The following DPP6 variants were observed in gnomAD, a reference collection of about 807,000 sequenced individuals.
DPP6 encodes dipeptidyl peptidase like 6.
A neutral mutation model predicts 122.6 loss-of-function variants in DPP6; 69 were observed. The observed-to-expected ratio is 0.56, with a 90% CI of 0.46 to 0.69. DPP6 has a LOEUF of 0.69. Among genes scored for constraint, DPP6 ranks in the 30% least tolerant of loss-of-function variants. The probability of loss-of-function intolerance (pLI) is 0.00; values close to 1 mark genes in which losing one functional copy is unlikely to be tolerated. For missense variants in DPP6, 928 were observed against 1,116.9 expected, an observed-to-expected ratio of 0.83 and a Z score of 2.41; for synonymous variants, 418 against 433.1, an observed-to-expected ratio of 0.97 and a Z score of 0.43.
chr7:154,463,409 G>T (rs895488777), intron 2 of DPP6, among the ~76,000 whole-genome samples: 8 of 151,632 alleles, frequency 5.3e-5, no homozygotes, highest in Non-Finnish European at 8.8e-5. Flanking sequence ...GGGTTTCACC[G>T]TGTTAGCCAG....
intron 7 of DPP6, among the ~76,000 whole-genome samples, chr7:154,697,472 C>G (rs1442701764): frequency 1.3e-5 from 2 of 152,250 alleles, no homozygotes; most frequent in Non-Finnish European, 2.9e-5. Context: ...CCCCTTGGCT[C>G]TGCTGTGGCC....
chr7:154,808,272 T>C (rs533419991), intron 16 of DPP6, among the ~76,000 whole-genome samples: 1 of 152,316 alleles, frequency 6.6e-6, no homozygotes, highest in East Asian at 1.9e-4. Context: ...GTTCTCTTTT[T>C]ATCAGTGTCA....
intron 1 of DPP6, among the ~76,000 whole-genome samples, chr7:154,424,043 G>T (rs6965157): frequency 0.033 from 4,973 of 152,178 alleles, 138 homozygotes; most frequent in Middle Eastern, 0.071. Flanking sequence ...AAAATTTTTT[G>T]ACTCTTCCCA....
chr7:154,519,573 G>A (rs1295719612), intron 3 of DPP6, among the ~76,000 whole-genome samples: 2 of 152,204 alleles, frequency 1.3e-5, no homozygotes, highest in African/African-American at 4.8e-5. Flanking sequence ...ACTTTTCCTG[G>A]GAGAGTGAAG....
At position 154,388,601 on chromosome 7, in the gene DPP6, G is replaced by A. The variant is rs76816633; in HGVS notation, c.244-57613G>A. Among the ~76,000 whole-genome samples, 557 of 152,200 alleles carry A rather than the reference G, an allele frequency of 3.7e-3. 3 individuals are homozygous for A. Among genetic ancestry groups the A allele is most frequent in the Non-Finnish European group, 4.1e-3 (278 of 68,014 alleles). Reference sequence around the variant, plus strand: ...TAATGAGTGCATTATCTCTGCCAGGGTCTGCTGGGGAGAACCTGCCCTGAT... The same window carrying A: ...TAATGAGTGCATTATCTCTGCCAGGATCTGCTGGGGAGAACCTGCCCTGAT... On this transcript the variant is annotated intron_variant, in intron 1 of 25. Coordinates refer to ENST00000377770, the MANE Select transcript of DPP6 (RefSeq NM_130797.4).
chr7:153,915,943 TTTTATTTA>T (rs141267507), intron 1 of DPP6, among the ~76,000 whole-genome samples: 46,606 of 146,848 alleles, frequency 0.32, 7,432 homozygotes, highest in African/African-American at 0.36. Context: ...CTCCTCTGAT[TTTTATTTA>T]TTTATTTATT....
intron 1 of DPP6, among the ~76,000 whole-genome samples, chr7:154,186,002 C>A (rs758152977): frequency 6.6e-6 from 1 of 152,122 alleles, no homozygotes; most frequent in South Asian, 2.1e-4. Flanking sequence ...ATGACGCATG[C>A]ACAACTCTAG....
At chr7:154,431,451 CTTTTCTTTTCTTTTCTT>C (rs1359627062) in intron 1 of DPP6, among the ~76,000 whole-genome samples, 7 of 14,976 alleles carry the variant, frequency 4.7e-4, no homozygotes, top group South Asian at 1.9e-3. Context: ...CCTTTCTTTT[CTTTTCTTTTCTTTTCTT>C]TTCTTTTCTT....
intron 2 of DPP6, among the ~76,000 whole-genome samples, chr7:154,469,231 C>T (rs1009212574): frequency 1.3e-5 from 2 of 152,134 alleles, no homozygotes; most frequent in Non-Finnish European, 2.9e-5. Flanking sequence ...TAAAGAGGTA[C>T]TGACTGTACA....
chr7:154,447,586 G>A (rs996029773), intron 2 of DPP6, among the ~76,000 whole-genome samples: 2 of 151,992 alleles, frequency 1.3e-5, no homozygotes, highest in African/African-American at 2.4e-5. Flanking sequence ...AGAAAAGGAC[G>A]ATCTGTACCC....
At chr7:154,625,683 G>A (rs544328174) in intron 5 of DPP6, among the ~76,000 whole-genome samples, 4 of 152,208 alleles carry the variant, frequency 2.6e-5, no homozygotes, top group African/African-American at 9.6e-5. Context: ...AGCAGGGAAG[G>A]CTGCAAAGAA....
chr7:154,618,877 C>A lies in DPP6; in HGVS notation c.628-18944C>A, dbSNP rs1402244198. Among the ~76,000 whole-genome samples the A allele has an allele frequency of 6.6e-6, 1 of 152,164 alleles. No homozygotes were observed. The highest frequency in any genetic ancestry group is 2.4e-5 in the African/African-American group (1 of 41,430). On this transcript the variant is annotated intron_variant, in intron 5 of 25. Transcript: ENST00000377770. The surrounding 1 kb of genome is among the most constrained non-coding windows in gnomAD (Gnocchi z 4.1). ...GATATGGTTTAGCTGTGTCCCCACCCAAATCTCATCTTGAATTGTAGCTCC... is the reference window on the plus strand; with the variant it reads ...GATATGGTTTAGCTGTGTCCCCACCAAAATCTCATCTTGAATTGTAGCTCC...
At chr7:153,772,361 G>A in the DPP6 span, among the ~76,000 whole-genome samples, 1 of 152,148 alleles carries the variant, frequency 6.6e-6, no homozygotes, top group Admixed American at 6.5e-5. Context: ...TGGGATTACA[G>A]GTGTGAGGCA....
intron 1 of DPP6, among the ~76,000 whole-genome samples, chr7:154,090,452 A>C (rs1356412696): frequency 4.6e-5 from 7 of 152,248 alleles, no homozygotes; most frequent in East Asian, 3.8e-4. Flanking sequence ...ATGCCTATTG[A>C]GAAGTATGTT....
chr7:153,934,888 G>A (rs1379899155), intron 1 of DPP6, among the ~76,000 whole-genome samples: 1 of 152,210 alleles, frequency 6.6e-6, no homozygotes, highest in Admixed American at 6.5e-5. Context: ...CACATGAGCC[G>A]ACACTGCCAG....
chr7:153,861,864 C>A, the DPP6 span, among the ~76,000 whole-genome samples: 29,432 of 152,154 alleles, frequency 0.19, 2,902 homozygotes, highest in South Asian at 0.24. Context: ...GTAACCCAAA[C>A]GGCAATTTAG....
At chr7:154,887,914 T>A (rs1453183957) in intron 23 of DPP6, among the ~76,000 whole-genome samples, 180 bp downstream of exon 23, 1 of 152,106 alleles carries the variant, frequency 6.6e-6, no homozygotes, top group Non-Finnish European at 1.5e-5. Flanking sequence ...GGATTGAGGT[T>A]AACATGGCCT....
intron 17 of DPP6, among the ~76,000 whole-genome samples, chr7:154,867,685 A>G (rs1563300999): frequency 6.6e-6 from 1 of 152,240 alleles, no homozygotes; most frequent in Non-Finnish European, 1.5e-5. Context: ...CAGTCATGGG[A>G]AGAATCATAC....
At chr7:154,732,546 G>A (rs1042685771) in intron 8 of DPP6, among the ~76,000 whole-genome samples, 1 of 152,132 alleles carries the variant, frequency 6.6e-6, no homozygotes, top group Non-Finnish European at 1.5e-5. Context: ...GTATATAAAA[G>A]ATCTTATCCC....
Sources: gnomAD v4.1 joint callset for allele counts (sites outside exome capture counted in the v4.1 genomes callset) on GRCh38, gnomAD v4.1.1 for gene constraint, Gnocchi (gnomAD v3.1) non-coding constraint, MANE v1.5 for transcripts, NCBI Gene and HGNC (gene_info 2026-07-23, HGNC 2026-07-21) for gene names.